The following STXBP5L variants were observed in gnomAD, a reference collection of about 807,000 sequenced individuals.
STXBP5L encodes syntaxin-binding protein 5-like.
Under a neutral mutation model 144.5 loss-of-function variants are expected in STXBP5L, and 65 were observed. That is an observed-to-expected ratio of 0.45 (90% CI 0.37 to 0.55). STXBP5L has a LOEUF of 0.55. STXBP5L is among the 20% of genes least tolerant of loss of function. The pLI is 0.00. For missense variants in STXBP5L, 1,298 were observed against 1,405.5 expected, an observed-to-expected ratio of 0.92 and a Z score of 1.22; for synonymous variants, 505 against 469.6, an observed-to-expected ratio of 1.08 and a Z score of -0.97.
chr3:121,036,772 A>ATTTTTTTTTTTTTTT (rs3863971), intron 3 of STXBP5L, among the ~76,000 whole-genome samples: 6 of 122,222 alleles, frequency 4.9e-5, no homozygotes, highest in Non-Finnish European at 6.7e-5. Context: ...ACATTGATTG[A>ATTTTTTTTTTTTTTT]TTTTTTTTTT....
intron 20 of STXBP5L, among the ~76,000 whole-genome samples, chr3:121,372,419 T>C (rs2046059588): frequency 6.6e-6 from 1 of 152,176 alleles, no homozygotes; most frequent in Non-Finnish European, 1.5e-5. Context: ...CTCTGGGCGC[T>C]AGCTGGAGTT....
At chr3:121,308,015 A>C (rs1170812455) in intron 19 of STXBP5L, among the ~76,000 whole-genome samples, 1 of 152,210 alleles carries the variant, frequency 6.6e-6, no homozygotes, top group Non-Finnish European at 1.5e-5. Context: ...GCCAGAAGGG[A>C]ATGGGATGAC....
Position 121,022,780 on chromosome 3 carries a change from C to A in STXBP5L, c.288-18920C>A, listed in dbSNP as rs1410250396. 2.0e-5 allele frequency among the ~76,000 whole-genome samples: 3 copies of A among 152,098 alleles called. No homozygotes were observed. The East Asian group carries it at 5.8e-4, about 29-fold the overall frequency. On this transcript the variant is annotated intron_variant, in intron 3 of 26. Transcript: ENST00000471454. The stretch of plus-strand genomic sequence containing the variant: ...TATCTTAAGGTAAAGCCATCTGTGA[C>A]AAACCCACAGCCAACATTATACTGA...
chr3:121,364,359 G>A (rs542864327), intron 20 of STXBP5L, among the ~76,000 whole-genome samples: 2 of 152,106 alleles, frequency 1.3e-5, no homozygotes, highest in South Asian at 4.1e-4. Context: ...CAGCTGTGTA[G>A]TAAGTTTTGA....
In STXBP5L at chr3:121,407,285, G is replaced by A; in HGVS notation, c.2630G>A (p.Cys877Tyr). The A allele has an allele frequency of 6.2e-7, 1 of 1,607,036 alleles. No homozygotes were observed. Among genetic ancestry groups the A allele is most frequent in the Non-Finnish European group, 8.5e-7 (1 of 1,176,738 alleles). Reference protein sequence around the residue: ...SLKGAVLTFSCMDRMGGLMQP... With the variant: ...SLKGAVLTFSYMDRMGGLMQP... Reference sequence around the variant, plus strand: ...AAAGGAGCTGTGCTAACATTCTCCTGTATGGACCGAATGGGTGGATTAATG... The same window carrying A: ...AAAGGAGCTGTGCTAACATTCTCCTATATGGACCGAATGGGTGGATTAATG... Residue 877 changes from cysteine to tyrosine, a missense_variant, in exon 23 of 27, where the codon TGT becomes TAT. Physicochemically the swap from Cys to Tyr is radical, Grantham distance 194 (BLOSUM62 -2). Transcript: ENST00000471454.
chr3:121,188,680 G>A (rs1013382595), intron 9 of STXBP5L, among the ~76,000 whole-genome samples: 2 of 152,078 alleles, frequency 1.3e-5, no homozygotes, highest in Non-Finnish European at 2.9e-5. Context: ...ACGTAATCCA[G>A]CATATAAAGA....
At chr3:121,165,565 A>G (rs2046468811) in intron 9 of STXBP5L, among the ~76,000 whole-genome samples, 1 of 152,100 alleles carries the variant, frequency 6.6e-6, no homozygotes, top group South Asian at 2.1e-4. Flanking sequence ...TGTAGGAAAA[A>G]CTGGTTCTTA....
intron 7 of STXBP5L, among the ~76,000 whole-genome samples, chr3:121,138,249 G>A (rs1264297220): frequency 2.0e-5 from 3 of 151,964 alleles, no homozygotes; most frequent in Non-Finnish European, 4.4e-5. Flanking sequence ...ACATTGATAA[G>A]AGAATTGAAG....
At chr3:121,410,816 T>C (rs2047098486) in intron 23 of STXBP5L, among the ~76,000 whole-genome samples, 2 of 152,146 alleles carry the variant, frequency 1.3e-5, no homozygotes, top group Non-Finnish European at 2.9e-5. Flanking sequence ...TTTTTTCTTC[T>C]GTTATAAGAG....
intron 5 of STXBP5L, among the ~76,000 whole-genome samples, chr3:121,061,002 G>C (rs2041248041): frequency 6.6e-6 from 1 of 151,902 alleles, no homozygotes; most frequent in African/African-American, 2.4e-5. Context: ...GTTATTTCTT[G>C]TCTTCTGCTA....
intron 9 of STXBP5L, among the ~76,000 whole-genome samples, chr3:121,185,971 A>C (rs146122626): frequency 6.6e-6 from 1 of 151,970 alleles, no homozygotes; most frequent in African/African-American, 2.4e-5. Context: ...CTTTTATTTC[A>C]CTGAGCAGTG....
chr3:121,079,397 C>G lies in STXBP5L; in HGVS notation c.470+33862C>G, dbSNP rs140456697. On this transcript the variant is annotated intron_variant, in intron 5 of 26. Transcript: ENST00000471454. The stretch of plus-strand genomic sequence containing the variant: ...ACTCACTGGGCCTGTAATAAACTTT[C>G]AGGAATGTGGAGTTGTGGAGTATAG... Among the ~76,000 whole-genome samples, 412 of 152,322 alleles carry G rather than the reference C, an allele frequency of 2.7e-3. 4 individuals carry two copies. The highest frequency in any genetic ancestry group is 8.8e-3 in the African/African-American group (365 of 41,578).
chr3:121,098,270 CT>C (rs1377185307), intron 5 of STXBP5L, among the ~76,000 whole-genome samples: 1 of 152,142 alleles, frequency 6.6e-6, no homozygotes, highest in Non-Finnish European at 1.5e-5. Context: ...TCAGCATCTG[CT>C]TCTGGTGAGC....
rs1384580533 is a variant in STXBP5L, at chr3:121,322,033, C to T, written c.2176+3493C>T. On this transcript the variant is annotated intron_variant, in intron 20 of 26. Coordinates refer to ENST00000471454, the MANE Select transcript of STXBP5L (RefSeq NM_001308330.2). The stretch of plus-strand genomic sequence containing the variant: ...TCCTTCCTTTCCCCTCTAGTAGCCC[C>T]CAGTGTCTATGGTTGCCATCCTTAT... Among the ~76,000 whole-genome samples, 4 of 152,082 alleles carry T rather than the reference C, an allele frequency of 2.6e-5. No homozygotes were observed. The East Asian group carries it at 7.7e-4, about 29-fold the overall frequency.
chr3:121,090,994 G>C (rs2042757779), intron 5 of STXBP5L, among the ~76,000 whole-genome samples: 1 of 138,218 alleles, frequency 7.2e-6, no homozygotes, highest in Admixed American at 8.3e-5. Context: ...TGTTCTCATT[G>C]TTCAATTCCC....
intron 20 of STXBP5L, among the ~76,000 whole-genome samples, chr3:121,361,923 G>C (rs2045723976): frequency 6.6e-6 from 1 of 152,078 alleles, no homozygotes; most frequent in Admixed American, 6.6e-5. Flanking sequence ...GGTCTTATTT[G>C]TATCCATACT....
At chr3:121,156,686 C>T (rs1175823215) in intron 8 of STXBP5L, among the ~76,000 whole-genome samples, 1 of 151,568 alleles carries the variant, frequency 6.6e-6, no homozygotes, top group Non-Finnish European at 1.5e-5. Flanking sequence ...TCCTTGGATT[C>T]AACTAACTAT....
intron 3 of STXBP5L, among the ~76,000 whole-genome samples, chr3:121,003,494 C>G (rs1192939791): frequency 6.6e-6 from 1 of 152,146 alleles, no homozygotes; most frequent in Non-Finnish European, 1.5e-5. Context: ...TTCTCCCATG[C>G]TCTAGGTTGC....
intron 11 of STXBP5L, among the ~76,000 whole-genome samples, chr3:121,227,023 T>C (rs2049143165): frequency 6.6e-6 from 1 of 152,158 alleles, no homozygotes; most frequent in Admixed American, 6.6e-5. Context: ...ATGTTCCCAA[T>C]TGTATCCTGC....
Sources: gnomAD v4.1 joint callset for allele counts (sites outside exome capture counted in the v4.1 genomes callset) on GRCh38, gnomAD v4.1.1 for gene constraint, MANE v1.5 for transcripts, NCBI Gene and HGNC (gene_info 2026-07-23, HGNC 2026-07-21) for gene names.